Variants in APPL2 observed in about 807,000 individuals in gnomAD.
The protein encoded by APPL2 is adaptor protein, phosphotyrosine interacting with PH domain and leucine zipper 2, also known as DCC-interacting protein 13-beta.
A neutral mutation model predicts 92.7 loss-of-function variants in APPL2; 84 were observed. That is an observed-to-expected ratio of 0.91 (90% CI 0.76 to 1.09). APPL2 has a LOEUF of 1.09. Ranked by LOEUF, APPL2 falls within the 50% of genes least tolerant of loss-of-function variation. The probability of loss-of-function intolerance (pLI) is 0.00; values close to 1 mark genes in which losing one functional copy is unlikely to be tolerated. For synonymous variants in APPL2, 291 were observed against 291.0 expected, an observed-to-expected ratio of 1.00 and a Z score of 0.00; for missense variants, 736 against 824.5, an observed-to-expected ratio of 0.89 and a Z score of 1.31.
In APPL2 at chr12:105,174,456, TAGG is replaced by T. The variant is rs1196334183; in HGVS notation, c.1861-11_1861-9del. The T allele has an allele frequency of 3.1e-6, 5 of 1,610,044 alleles. No individual in the cohort carries two copies. The African/African-American group carries it at 5.4e-5, about 17-fold the overall frequency. ...AGCCAGTGCTTCTGGATCCTGAAGTTAGGAGAGTTTAAAAGGGAAAAAAGAAAA... is the reference window on the plus strand; with the variant it reads ...AGCCAGTGCTTCTGGATCCTGAAGTTAGAGTTTAAAAGGGAAAAAAGAAAA... On this transcript the variant is annotated splice_polypyrimidine_tract_variant and intron_variant, in intron 20 of 20. Coordinates refer to ENST00000258530, the MANE Select transcript of APPL2 (RefSeq NM_018171.5).
At chr12:105,208,514 G>A (rs1888949192) in intron 5 of APPL2, among the ~76,000 whole-genome samples, 1 of 152,154 alleles carries the variant, frequency 6.6e-6, no homozygotes, top group Non-Finnish European at 1.5e-5. Flanking sequence ...TACTTTTCAT[G>A]GAGACCTGGA....
chr12:105,209,695 A>G (rs1350037226), intron 5 of APPL2, among the ~76,000 whole-genome samples: 1 of 152,224 alleles, frequency 6.6e-6, no homozygotes, highest in Non-Finnish European at 1.5e-5. Context: ...GTGAGGACAC[A>G]ATCATCAGCA....
At chr12:105,189,087 C>T (rs552212112) in intron 16 of APPL2, among the ~76,000 whole-genome samples, 7 of 152,208 alleles carry the variant, frequency 4.6e-5, no homozygotes, top group Admixed American at 2.6e-4. Flanking sequence ...GGCATGATTT[C>T]AGCTCACTGC....
chr12:105,224,090 C>A, intron 2 of APPL2, among the ~76,000 whole-genome samples: 1 of 152,150 alleles, frequency 6.6e-6, no homozygotes, highest in East Asian at 1.9e-4. Context: ...TTTTAGATTG[C>A]TATCTGAAAG....
Position 105,207,193 on chromosome 12 carries a change from G to T in APPL2, c.489C>A (p.Val163=). The T allele has an allele frequency of 6.2e-7, 1 of 1,613,302 alleles. No individual in the cohort carries two copies. Reference sequence around the variant, plus strand: ...GCCGGGCCGCGGCCACCTCTTTTCCGACTTCGGTCTTCACCTGGTTAAAAG... The same window carrying T: ...GCCGGGCCGCGGCCACCTCTTTTCCTACTTCGGTCTTCACCTGGTTAAAAG... ...KKENEKVKTE[V]GKEVAAARRK... Residue 163 remains valine, a synonymous_variant, in exon 8 of 21, where the codon GTC becomes GTA. Coordinates refer to ENST00000258530, the MANE Select transcript of APPL2 (RefSeq NM_018171.5).
chr12:105,232,247 C>G (rs1222236736), intron 1 of APPL2, among the ~76,000 whole-genome samples: 1 of 152,186 alleles, frequency 6.6e-6, no homozygotes, highest in African/African-American at 2.4e-5. Flanking sequence ...CCATTTTCTA[C>G]TGCCCGACAC....
chr12:105,189,855 G>A (rs763250368), intron 15 of APPL2, 31 bp from the exon 16 acceptor site: 11 of 1,613,472 alleles, frequency 6.8e-6, no homozygotes, highest in East Asian at 4.5e-5. Context: ...GAACAAACAC[G>A]ACAGCTGCAG....
intron 20 of APPL2, among the ~76,000 whole-genome samples, chr12:105,175,508 G>GA (rs1248053806): frequency 6.6e-6 from 1 of 152,220 alleles, no homozygotes; most frequent in Non-Finnish European, 1.5e-5. Context: ...CATTATTGCA[G>GA]AAAGTTCTGT....
chr12:105,203,655 G>A (rs764331980), intron 9 of APPL2, 48 bp downstream of exon 9: 9 of 1,557,486 alleles, frequency 5.8e-6, no homozygotes, highest in Non-Finnish European at 8.0e-6. Context: ...TGTCAGATCA[G>A]CATGAAAGGC....
At chr12:105,186,687 T>TGATATATCATATATATATC (rs376082542) in intron 17 of APPL2, among the ~76,000 whole-genome samples, 4 of 56,298 alleles carry the variant, frequency 7.1e-5, no homozygotes, top group African/African-American at 2.0e-4. Context: ...ATATCATATA[T>TGATATATCATATATATATC]ATATCATATA....
At chr12:105,200,903 TC>T (rs1197547794) in intron 9 of APPL2, among the ~76,000 whole-genome samples, 7 of 141,654 alleles carry the variant, frequency 4.9e-5, no homozygotes, top group Non-Finnish European at 8.0e-5. Flanking sequence ...TATCTATCTA[TC>T]CTATCTATCT....
intron 1 of APPL2, 104 bp downstream of exon 1, chr12:105,235,855 C>G (rs1322877539): frequency 2.7e-5 from 27 of 996,220 alleles, no homozygotes; most frequent in Non-Finnish European, 3.5e-5. Context: ...GCCGGGCGCA[C>G]TCCCGCGGCT....
At position 105,195,566 on chromosome 12, in the gene APPL2, T is replaced by C. The variant is rs767704751; in HGVS notation, c.1095+19A>G. ...CACCCACCACGTTAGGAAAGAAATA[T>C]GACAAACAAAATTTTTACCTCTTCA... On this transcript the variant is annotated intron_variant, in intron 12 of 20. Coordinates refer to ENST00000258530, the MANE Select transcript of APPL2 (RefSeq NM_018171.5). 13 of 1,614,214 alleles carry C rather than the reference T, an allele frequency of 8.1e-6. No individual in the cohort carries two copies. The highest frequency in any genetic ancestry group is 1.0e-5 in the Non-Finnish European group (12 of 1,180,024).
chr12:105,180,326 T>C (rs1272280020), intron 17 of APPL2, among the ~76,000 whole-genome samples: 1 of 152,174 alleles, frequency 6.6e-6, no homozygotes, highest in Non-Finnish European at 1.5e-5. Context: ...TTCTGTTCCA[T>C]TGGTCTATAT....
At chr12:105,179,591 A>G (rs921110073) in intron 17 of APPL2, among the ~76,000 whole-genome samples, 10 of 152,278 alleles carry the variant, frequency 6.6e-5, no homozygotes, top group African/African-American at 2.4e-4. Flanking sequence ...ACTAATTTAC[A>G]TTCCCAGCAG....
intron 14 of APPL2, among the ~76,000 whole-genome samples, chr12:105,193,423 T>C (rs1411813194): frequency 6.6e-6 from 1 of 152,198 alleles, no homozygotes. Flanking sequence ...CAGGGACATC[T>C]AGCTGTGTAT....
chr12:105,191,184 A>G (rs1405967342), intron 14 of APPL2, among the ~76,000 whole-genome samples: 1 of 152,164 alleles, frequency 6.6e-6, no homozygotes, highest in Non-Finnish European at 1.5e-5. Flanking sequence ...AGGCTTGTAG[A>G]TGGTCACTGC....
intron 2 of APPL2, among the ~76,000 whole-genome samples, chr12:105,227,017 A>T (rs111918118): frequency 3.3e-5 from 5 of 151,994 alleles, no homozygotes; most frequent in African/African-American, 1.2e-4. Context: ...GCTACTTAGG[A>T]GGCTGAGGCA....
intron 1 of APPL2, among the ~76,000 whole-genome samples, chr12:105,235,630 A>G (rs1486703233): frequency 6.6e-6 from 1 of 152,194 alleles, no homozygotes; most frequent in Non-Finnish European, 1.5e-5. Context: ...AAGGCACAAT[A>G]AGGTGGTTTT....
Sources: gnomAD v4.1 joint callset for allele counts (sites outside exome capture counted in the v4.1 genomes callset) on GRCh38, gnomAD v4.1.1 for gene constraint, MANE v1.5 for transcripts, NCBI Gene and HGNC (gene_info 2026-07-23, HGNC 2026-07-21) for gene names.